ABCC6: variants seen among roughly 807,000 people sequenced by gnomAD.
The protein encoded by ABCC6 is ATP-binding cassette sub-family C member 6.
ABCC6 carries 126 observed loss-of-function variants against 169.5 expected under a neutral mutation model. The ratio of observed to expected loss-of-function variants is 0.74; its 90% confidence interval spans 0.64 to 0.86. The LOEUF (loss-of-function observed/expected upper bound fraction) is 0.86, where lower values mean the gene tolerates loss of function less well. ABCC6 is among the 40% of genes least tolerant of loss of function. ABCC6 has a pLI of 0.00. For synonymous variants in ABCC6, 752 were observed against 814.7 expected, an observed-to-expected ratio of 0.92 and a Z score of 1.31; for missense variants, 1,733 against 1,927.2, an observed-to-expected ratio of 0.90 and a Z score of 1.89.
At chr16:16,175,170 T>A (rs1481654542) in intron 20 of ABCC6, among the ~76,000 whole-genome samples, 1 of 152,158 alleles carries the variant, frequency 6.6e-6, no homozygotes, top group Non-Finnish European at 1.5e-5. Flanking sequence ...GTGGGATTTC[T>A]CAGTGTGTGT....
chr16:16,175,761 CT>C, intron 20 of ABCC6, 149 bp downstream of exon 20: 1 of 853,780 alleles, frequency 1.2e-6, no homozygotes, highest in South Asian at 1.5e-5. Flanking sequence ...TAAATTATCC[CT>C]CAGCAGGGCA....
At position 16,168,835 on chromosome 16, in the gene ABCC6, C is replaced by G. The variant is rs565344252; in HGVS notation, c.2995+811G>C. ...GGGGCTCACACCTGTAATCCCAACACTCTGGGAGGCCGAGGCGGGCAGATC... is the reference window on the plus strand; with the variant it reads ...GGGGCTCACACCTGTAATCCCAACAGTCTGGGAGGCCGAGGCGGGCAGATC... On this transcript the variant is annotated intron_variant, in intron 22 of 30. Transcript: ENST00000205557. Among the ~76,000 whole-genome samples, 73 of 152,260 alleles carry G rather than the reference C, an allele frequency of 4.8e-4. No homozygotes were observed. The East Asian group carries it at 0.011, about 23-fold the overall frequency.
intron 9 of ABCC6, among the ~76,000 whole-genome samples, chr16:16,201,206 A>G (rs2048225896): frequency 1.3e-5 from 2 of 152,104 alleles, no homozygotes; most frequent in South Asian, 4.1e-4. Flanking sequence ...ACCTCAAGTG[A>G]TCCGCCTGTC....
At chr16:16,170,461 C>T (rs1201930807) in intron 21 of ABCC6, among the ~76,000 whole-genome samples, 1 of 152,144 alleles carries the variant, frequency 6.6e-6, no homozygotes, top group East Asian at 1.9e-4. Flanking sequence ...TAACAACCTC[C>T]ATTTCACAGA....
At chr16:16,157,238 A>G (rs1400015225) in intron 27 of ABCC6, among the ~76,000 whole-genome samples, 2 of 152,290 alleles carry the variant, frequency 1.3e-5, no homozygotes, top group African/African-American at 2.4e-5. Flanking sequence ...AAACTTCACA[A>G]CAACTCAGAG....
intron 7 of ABCC6, among the ~76,000 whole-genome samples, chr16:16,207,589 A>G (rs545070558): frequency 1.1e-3 from 169 of 152,078 alleles, no homozygotes; most frequent in African/African-American, 3.8e-3. Flanking sequence ...TGTGGGATTC[A>G]GCCATCTGCA....
In ABCC6 at chr16:16,169,771, TGGCAGA is replaced by T; in HGVS notation, c.2864_2869del (p.Leu955_Cys956del). 1 of 1,595,814 alleles carries T rather than the reference TGGCAGA, an allele frequency of 6.3e-7. No individual in the cohort carries two copies. The highest frequency in any genetic ancestry group is 1.8e-5 in the Admixed American group (1 of 56,908). On this transcript the variant is annotated inframe_deletion, in exon 22 of 31. Coordinates refer to ENST00000205557, the MANE Select transcript of ABCC6 (RefSeq NM_001171.6). ...GCCCCGGCAGAAGGAGGCCACTTGC[TGGCAGA>T]GGAAGAGGAAGAGTGCGTAGAGGCA...
intron 27 of ABCC6, among the ~76,000 whole-genome samples, chr16:16,157,163 T>C (rs1399196578): frequency 1.3e-5 from 2 of 152,006 alleles, no homozygotes; most frequent in Non-Finnish European, 2.9e-5. Flanking sequence ...ACGCAAATAA[T>C]AAAAGCATTA....
chr16:16,174,192 T>TGCCCTTCTG (rs2047197943), intron 20 of ABCC6, among the ~76,000 whole-genome samples: 2 of 152,344 alleles, frequency 1.3e-5, no homozygotes, highest in Non-Finnish European at 1.5e-5. Context: ...TAGTGAACTG[T>TGCCCTTCTG]AACCTAATTG....
Position 16,158,491 on chromosome 16 carries a change from T to C in ABCC6, c.3736-682A>G, listed in dbSNP as rs563755137. Among the ~76,000 whole-genome samples, 151 of 152,228 alleles carry C rather than the reference T, an allele frequency of 9.9e-4. 2 individuals carry two copies. The highest frequency in any genetic ancestry group is 3.4e-3 in the African/African-American group (142 of 41,558). ...CATCCCTCCATCTCTCATTCTTCCATCCCATTCCATCCATTCATCTGTCCA... is the reference window on the plus strand; with the variant it reads ...CATCCCTCCATCTCTCATTCTTCCACCCCATTCCATCCATTCATCTGTCCA... On this transcript the variant is annotated intron_variant, in intron 26 of 30. Coordinates refer to ENST00000205557, the MANE Select transcript of ABCC6 (RefSeq NM_001171.6).
In ABCC6 at chr16:16,203,612, G is replaced by A; in HGVS notation, c.796C>T (p.His266Tyr). The A allele has an allele frequency of 6.2e-6, 10 of 1,614,004 alleles. No homozygotes were observed. The highest frequency in any genetic ancestry group is 8.5e-6 in the Non-Finnish European group (10 of 1,179,858). The change falls in exon 8 of 31, where the codon CAC becomes TAC. Residue 266 changes from histidine (H) to tyrosine (Y), a missense_variant and splice_region_variant. Physicochemically the swap from His to Tyr is moderately conservative, Grantham distance 83. Around this residue, in one of 5 missense-constraint regions of ABCC6, gnomAD observed 1,601 missense variants for 1,635.5 expected, o/e 0.98. Coordinates refer to ENST00000205557, the MANE Select transcript of ABCC6 (RefSeq NM_001171.6). Reference sequence around the variant, plus strand: ...CTTTTAAATGCTATTGCCTTGTTGTGCCTGAGGGGAAGGGAGAGATTAGCT... The same window carrying A: ...CTTTTAAATGCTATTGCCTTGTTGTACCTGAGGGGAAGGGAGAGATTAGCT... ...WMRNRSAARR[H>Y]NKAIAFKRKG...
At chr16:16,166,479 A>G (rs1053135066) in intron 22 of ABCC6, among the ~76,000 whole-genome samples, 28 of 152,122 alleles carry the variant, frequency 1.8e-4, no homozygotes, top group African/African-American at 6.8e-4. Context: ...GGAGATATGA[A>G]GATGGCGACA....
intron 19 of ABCC6, among the ~76,000 whole-genome samples, chr16:16,177,098 A>T (rs112119231): frequency 1.3e-5 from 2 of 152,328 alleles, no homozygotes; most frequent in African/African-American, 4.8e-5. Context: ...GGAGCTGGAC[A>T]TACTCAAGTT....
intron 11 of ABCC6, 82 bp from the exon 12 acceptor site, chr16:16,190,449 A>G: frequency 1.3e-6 from 2 of 1,490,692 alleles, no homozygotes; most frequent in Non-Finnish European, 1.9e-6. Context: ...CCCTTCAGCA[A>G]ATCCCATTCA....
At chr16:16,181,800 G>A (rs1457119905) in intron 17 of ABCC6, 1 of 156,904 alleles carries the variant, frequency 6.4e-6, no homozygotes, top group Admixed American at 6.1e-5. Flanking sequence ...AGGTATGGTG[G>A]CATGTGCCTG....
chr16:16,176,882 G>T (rs1019245929), intron 19 of ABCC6, among the ~76,000 whole-genome samples: 4 of 152,200 alleles, frequency 2.6e-5, no homozygotes, highest in African/African-American at 4.8e-5. Context: ...TTGATTAAAT[G>T]AGCTAACCTC....
At chr16:16,175,810 G>A (rs987967780) in intron 20 of ABCC6, 101 bp downstream of exon 20, 33 of 1,318,448 alleles carry the variant, frequency 2.5e-5, no homozygotes, top group Non-Finnish European at 2.3e-5. Context: ...TATCCATAAT[G>A]GTTTTGGTTG....
intron 26 of ABCC6, among the ~76,000 whole-genome samples, chr16:16,159,160 T>C (rs2046635448): frequency 6.6e-6 from 1 of 152,222 alleles, no homozygotes; most frequent in Non-Finnish European, 1.5e-5. Flanking sequence ...TGCCATTGTG[T>C]TGCTGTTGCC....
Position 16,165,622 on chromosome 16 carries a change from C to T in ABCC6, c.3306+1G>A. 6.2e-7 allele frequency: 1 copy of T among 1,613,084 alleles called. No homozygotes were observed. Among genetic ancestry groups the T allele is most frequent in the South Asian group, 1.1e-5 (1 of 91,076 alleles). ...CGGAAGCCTCCCTGACCTCTCCGTA[C>T]CTGAAACCCAGCGTAGAGGAGAAAC... On this transcript the variant is annotated splice_donor_variant, in intron 23 of 30. Transcript: ENST00000205557. LOFTEE classifies it high-confidence loss of function.
Sources: gnomAD v4.1 joint callset for allele counts (sites outside exome capture counted in the v4.1 genomes callset) on GRCh38, gnomAD v4.1.1 for gene constraint, gnomAD v4.1.1 regional missense constraint, MANE v1.5 for transcripts, NCBI Gene and HGNC (gene_info 2026-07-23, HGNC 2026-07-21) for gene names.